The following SIMC1 variants were observed in gnomAD, a reference collection of about 807,000 sequenced individuals.
SIMC1 encodes SUMO interacting motifs containing 1.
A neutral mutation model predicts 82.3 loss-of-function variants in SIMC1; 55 were observed. The observed-to-expected ratio is 0.67, with a 90% CI of 0.54 to 0.84. The LOEUF (loss-of-function observed/expected upper bound fraction) is 0.84. SIMC1 is among the 40% of genes least tolerant of loss of function. SIMC1 has a pLI of 0.00. For missense variants in SIMC1, 915 were observed against 1,107.2 expected, an observed-to-expected ratio of 0.83 and a Z score of 2.46; for synonymous variants, 353 against 426.3, an observed-to-expected ratio of 0.83 and a Z score of 2.12.
chr5:176,271,146 G>A (rs1250465601), intron 1 of SIMC1, among the ~76,000 whole-genome samples: 1 of 152,140 alleles, frequency 6.6e-6, no homozygotes, highest in African/African-American at 2.4e-5. Flanking sequence ...GATCACCTGA[G>A]GTCAGGAGTT....
chr5:176,285,578 A>G (rs1337500908), intron 1 of SIMC1, among the ~76,000 whole-genome samples: 2 of 151,992 alleles, frequency 1.3e-5, no homozygotes, highest in Non-Finnish European at 2.9e-5. Context: ...AAACTGGCAC[A>G]AGACAGGGAT....
intron 3 of SIMC1, 185 bp from the exon 4 acceptor site, chr5:176,296,066 C>A: frequency 1.8e-6 from 2 of 1,091,296 alleles, no homozygotes; most frequent in Non-Finnish European, 2.6e-6. Context: ...GGACTGGATA[C>A]TGGGTAGCAA....
At chr5:176,280,930 A>T (rs970078221) in intron 1 of SIMC1, among the ~76,000 whole-genome samples, 2 of 152,052 alleles carry the variant, frequency 1.3e-5, no homozygotes, top group African/African-American at 4.8e-5. Flanking sequence ...CTTCTCAAGG[A>T]GTATCTTTGT....
intron 4 of SIMC1, chr5:176,308,185 G>C (rs1379214141): frequency 1.2e-5 from 17 of 1,385,296 alleles, no homozygotes; most frequent in Non-Finnish European, 1.6e-5. Flanking sequence ...GGATAGGGGA[G>C]TTGAACAATG....
Position 176,308,432 on chromosome 5 carries a change from C to T in SIMC1, c.1735-5259C>T. ...TGAGAGTTGTGGGCTGGTATCATTC[C>T]CATCCTCATATAACTGTTTGGCCTT... On this transcript the variant is annotated intron_variant, in intron 4 of 9. Coordinates refer to ENST00000429602, the MANE Select transcript of SIMC1 (RefSeq NM_001308195.2). 4 of 1,607,724 alleles carry T rather than the reference C, an allele frequency of 2.5e-6. No homozygotes were observed. The South Asian group carries it at 3.3e-5, about 13-fold the overall frequency.
chr5:176,256,921 A>T (rs1037753591), intron 1 of SIMC1, among the ~76,000 whole-genome samples: 4 of 152,082 alleles, frequency 2.6e-5, no homozygotes, highest in African/African-American at 9.7e-5. Context: ...TTTTTAAATT[A>T]ATTTATTTAT....
chr5:176,275,437 C>T (rs1054435106), intron 1 of SIMC1, among the ~76,000 whole-genome samples: 2 of 151,846 alleles, frequency 1.3e-5, no homozygotes, highest in African/African-American at 4.8e-5. Flanking sequence ...ATTTGACTTC[C>T]TCTTTTCCTA....
At chr5:176,260,673 T>C (rs574305191) in intron 1 of SIMC1, among the ~76,000 whole-genome samples, 210 of 152,218 alleles carry the variant, frequency 1.4e-3, no homozygotes, top group African/African-American at 4.7e-3. Context: ...AAGAGTAATA[T>C]GTCTTTTTTT....
intron 1 of SIMC1, among the ~76,000 whole-genome samples, chr5:176,254,139 A>C (rs892228760): frequency 6.6e-6 from 1 of 152,150 alleles, no homozygotes; most frequent in Non-Finnish European, 1.5e-5. Context: ...GCAGAGAGAG[A>C]GCAACAGTTG....
At chr5:176,312,478 G>A (rs1187262940) in intron 4 of SIMC1, among the ~76,000 whole-genome samples, 1 of 134,144 alleles carries the variant, frequency 7.5e-6, no homozygotes, top group African/African-American at 2.8e-5. Context: ...AGAGGTTACA[G>A]TGAGCCAAGA....
chr5:176,319,991 A>G (rs143338511), intron 5 of SIMC1, among the ~76,000 whole-genome samples: 296 of 152,324 alleles, frequency 1.9e-3, no homozygotes, highest in Middle Eastern at 0.01. Context: ...CTCTAGGTGG[A>G]ACTGATTTCT....
At chr5:176,299,427 G>A (rs1283033362) in intron 4 of SIMC1, among the ~76,000 whole-genome samples, 1 of 151,608 alleles carries the variant, frequency 6.6e-6, no homozygotes, top group Admixed American at 6.6e-5. Context: ...TTTGCTGAAA[G>A]TGAAAGGATG....
At chr5:176,338,413 T>C (rs754160339) in intron 9 of SIMC1, among the ~76,000 whole-genome samples, 2 of 152,146 alleles carry the variant, frequency 1.3e-5, no homozygotes, top group Non-Finnish European at 2.9e-5. Context: ...TAGGACACAC[T>C]AAGTTGCTTA....
At chr5:176,272,851 T>C (rs1762506894) in intron 1 of SIMC1, among the ~76,000 whole-genome samples, 1 of 152,142 alleles carries the variant, frequency 6.6e-6, no homozygotes, top group African/African-American at 2.4e-5. Context: ...CACAGCAGTC[T>C]GAGATTGAAC....
intron 7 of SIMC1, among the ~76,000 whole-genome samples, chr5:176,335,328 T>G (rs1048609586): frequency 2.1e-5 from 3 of 143,162 alleles, no homozygotes; most frequent in African/African-American, 7.8e-5. Context: ...CCAGGCTGGA[T>G]TGCAGTGGTG....
intron 2 of SIMC1, among the ~76,000 whole-genome samples, chr5:176,293,591 A>G (rs1016050800): frequency 1.6e-4 from 24 of 151,580 alleles, no homozygotes; most frequent in Admixed American, 2.6e-4. Flanking sequence ...TAAAAATACT[A>G]AAAAAAATTA....
At chr5:176,296,461 C>T in intron 4 of SIMC1, 141 bp downstream of exon 4, 6 of 1,323,596 alleles carry the variant, frequency 4.5e-6, no homozygotes, top group East Asian at 2.5e-5. Flanking sequence ...CCCAGGAGTT[C>T]AAGGCCAGCC....
At chr5:176,291,259 G>A (rs1763551813) in intron 2 of SIMC1, among the ~76,000 whole-genome samples, 1 of 149,656 alleles carries the variant, frequency 6.7e-6, no homozygotes, top group Non-Finnish European at 1.5e-5. Context: ...CGCCTCCCAG[G>A]TTCAAGAGTT....
chr5:176,283,203 A>G (rs1378636436), intron 1 of SIMC1, among the ~76,000 whole-genome samples: 1 of 152,170 alleles, frequency 6.6e-6, no homozygotes. Context: ...GAGAAGAGCA[A>G]CTCTGAGACA....
Sources: allele counts gnomAD v4.1 joint callset (sites outside exome capture counted in the v4.1 genomes callset), GRCh38; gene constraint gnomAD v4.1.1; transcripts MANE v1.5; gene names NCBI Gene and HGNC (gene_info 2026-07-23, HGNC 2026-07-21).